CHSY3: variants seen among roughly 807,000 people sequenced by gnomAD.
CHSY3 encodes the protein chondroitin sulfate synthase 3, also known as N-acetylgalactosaminyl-proteoglycan 3-beta-glucuronosyltransferase 3.
A neutral mutation model predicts 67.2 loss-of-function variants in CHSY3; 35 were observed. That is an observed-to-expected ratio of 0.52 (90% CI 0.40 to 0.69). The LOEUF is 0.69. Ranked by LOEUF, CHSY3 falls within the 30% of genes least tolerant of loss-of-function variation. CHSY3 has a pLI of 0.00. For missense variants in CHSY3, 1,069 were observed against 1,138.5 expected, an observed-to-expected ratio of 0.94 and a Z score of 0.88; for synonymous variants, 474 against 434.7, an observed-to-expected ratio of 1.09 and a Z score of -1.12.
At chr5:129,981,507 A>G (rs186703699) in intron 2 of CHSY3, among the ~76,000 whole-genome samples, 343 of 151,614 alleles carry the variant, frequency 2.3e-3, no homozygotes, top group African/African-American at 7.4e-3. Flanking sequence ...CATACTTTTT[A>G]TTTTTTATTA....
intron 2 of CHSY3, chr5:130,141,665 T>C (rs565202644): frequency 7.4e-5 from 39 of 528,488 alleles, no homozygotes; most frequent in African/African-American, 6.7e-4. Context: ...GCATTCGATA[T>C]GAAAGCAGCT....
intron 2 of CHSY3, among the ~76,000 whole-genome samples, chr5:130,105,722 T>C (rs1172813805): frequency 6.6e-6 from 1 of 151,730 alleles, no homozygotes; most frequent in African/African-American, 2.4e-5. Context: ...TCATTACTTT[T>C]CAGATGTATT....
intron 2 of CHSY3, among the ~76,000 whole-genome samples, chr5:130,055,069 G>T (rs74531611): frequency 0.042 from 6,338 of 152,212 alleles, 164 homozygotes; most frequent in Middle Eastern, 0.1. Context: ...TCACCCTGTG[G>T]GGAGTGTGTC....
chr5:130,035,083 G>A (rs1764827926), intron 2 of CHSY3, among the ~76,000 whole-genome samples: 1 of 152,084 alleles, frequency 6.6e-6, no homozygotes, highest in Non-Finnish European at 1.5e-5. Flanking sequence ...ATGCATAGAA[G>A]TATTTTGATC....
At chr5:130,005,732 T>A (rs1400688996) in intron 2 of CHSY3, among the ~76,000 whole-genome samples, 1 of 152,240 alleles carries the variant, frequency 6.6e-6, no homozygotes, top group Non-Finnish European at 1.5e-5. Flanking sequence ...CAATAATGAA[T>A]ACCTTCTGTC....
chr5:130,039,468 G>C (rs1289961834), intron 2 of CHSY3, among the ~76,000 whole-genome samples: 1 of 152,094 alleles, frequency 6.6e-6, no homozygotes, highest in Non-Finnish European at 1.5e-5. Flanking sequence ...TCTAGCCTGG[G>C]TGACAGAGCA....
At chr5:130,059,875 G>T (rs1214804681) in intron 2 of CHSY3, among the ~76,000 whole-genome samples, 1 of 151,820 alleles carries the variant, frequency 6.6e-6, no homozygotes, top group Non-Finnish European at 1.5e-5. Context: ...ACTATCTTAA[G>T]GTATAATAAA....
At chr5:129,976,317 G>A (rs895539239) in intron 2 of CHSY3, among the ~76,000 whole-genome samples, 1 of 152,104 alleles carries the variant, frequency 6.6e-6, no homozygotes, top group Admixed American at 6.6e-5. Context: ...TCTATCCATG[G>A]CAGTTTAAAT....
At chr5:130,050,085 T>C (rs548038626) in intron 2 of CHSY3, among the ~76,000 whole-genome samples, 2 of 152,220 alleles carry the variant, frequency 1.3e-5, no homozygotes, top group East Asian at 3.9e-4. Flanking sequence ...AGAATCAAAG[T>C]ATTACTACTA....
chr5:130,152,293 T>C (rs1282265312), intron 2 of CHSY3, among the ~76,000 whole-genome samples: 1 of 152,202 alleles, frequency 6.6e-6, no homozygotes, highest in Admixed American at 6.5e-5. Context: ...TTGTTGACTT[T>C]CCATAAAAGC....
intron 2 of CHSY3, among the ~76,000 whole-genome samples, chr5:129,928,187 C>A: frequency 7.0e-6 from 1 of 142,632 alleles, no homozygotes; most frequent in Non-Finnish European, 1.5e-5. Context: ...TCCTGATCCT[C>A]CCTCTCCCCA....
Position 129,904,972 on chromosome 5 carries a change from A to G in CHSY3, c.143A>G (p.Tyr48Cys). The stretch of plus-strand genomic sequence containing the variant: ...CGTGGCTCCAGCCTCTGCTCCTACT[A>G]CGGTCGCTCTGCTGCTGGCCCCCGC... ...KRRGSSLCSY[Y>C]GRSAAGPRAG... Residue 48 changes from tyrosine (Y) to cysteine (C), a missense_variant, in exon 1 of 3, where the codon TAC becomes TGC. This residue lies in a region of CHSY3 where 309 missense variants were observed against 262.5 expected (regional missense o/e 1.18). Transcript: ENST00000305031. 1 of 1,566,556 alleles carries G rather than the reference A, an allele frequency of 6.4e-7. No individual in the cohort carries two copies. The highest frequency in any genetic ancestry group is 8.6e-7 in the Non-Finnish European group (1 of 1,161,880).
intron 2 of CHSY3, among the ~76,000 whole-genome samples, chr5:129,936,936 A>G (rs963073891): frequency 1.3e-5 from 2 of 152,074 alleles, no homozygotes; most frequent in Non-Finnish European, 2.9e-5. Flanking sequence ...CCATTTATAT[A>G]GACTTTCCTT....
chr5:130,071,342 A>C (rs1057105986), intron 2 of CHSY3, among the ~76,000 whole-genome samples: 1 of 152,112 alleles, frequency 6.6e-6, no homozygotes, highest in Non-Finnish European at 1.5e-5. Context: ...AAGGTTTCAC[A>C]TGCAAAATAA....
Position 130,184,589 on chromosome 5 carries a change from C to T in CHSY3, c.1447C>T (p.Pro483Ser), listed in dbSNP as rs1409379512. 1 of 1,612,512 alleles carries T rather than the reference C, an allele frequency of 6.2e-7. No individual in the cohort carries two copies. Among genetic ancestry groups the T allele is most frequent in the Non-Finnish European group, 8.5e-7 (1 of 1,178,528 alleles). The change falls in exon 3 of 3, where the codon CCT becomes TCT. Residue 483 changes from proline (P) to serine (S), a missense_variant. By Grantham distance (74) the Pro-to-Ser change is moderately conservative (BLOSUM62 -1). Transcript: ENST00000305031. ...ATACTCAGCAGCTGAGAACCAGCCC[C>T]CTCGACAGAGCCTCAGTAGCATTTT... The part of the protein sequence containing the change: ...LLYSAAENQP[P>S]RQSLSSILRT...
At chr5:130,092,426 T>C (rs1766912105) in intron 2 of CHSY3, among the ~76,000 whole-genome samples, 1 of 152,124 alleles carries the variant, frequency 6.6e-6, no homozygotes, top group Non-Finnish European at 1.5e-5. Flanking sequence ...GGAATGATTA[T>C]GTTTAGGTTC....
intron 2 of CHSY3, among the ~76,000 whole-genome samples, chr5:130,059,644 G>A (rs1042455772): frequency 6.6e-6 from 1 of 152,082 alleles, no homozygotes; most frequent in African/African-American, 2.4e-5. Context: ...CCAAGTTCCA[G>A]GGATTTGATA....
intron 2 of CHSY3, among the ~76,000 whole-genome samples, chr5:130,028,090 C>G (rs1339014311): frequency 1.3e-5 from 2 of 152,018 alleles, no homozygotes; most frequent in Admixed American, 1.3e-4. Flanking sequence ...GCCATACTGC[C>G]CAAGGTAATT....
chr5:129,951,826 T>C (rs1762032126), intron 2 of CHSY3, among the ~76,000 whole-genome samples: 1 of 152,170 alleles, frequency 6.6e-6, no homozygotes, highest in Admixed American at 6.5e-5. Context: ...CTTCTCCAGG[T>C]ATGTAATATT....
Sources: gnomAD v4.1 joint callset for allele counts (sites outside exome capture counted in the v4.1 genomes callset) on GRCh38, gnomAD v4.1.1 for gene constraint, gnomAD v4.1.1 regional missense constraint, MANE v1.5 for transcripts, NCBI Gene and HGNC (gene_info 2026-07-23, HGNC 2026-07-21) for gene names.